Variants in DPP6 observed in about 807,000 individuals in gnomAD.
DPP6 encodes A-type potassium channel modulatory protein DPP6.
In DPP6, 69 loss-of-function variants were observed where a neutral mutation model predicts 122.6. That is an observed-to-expected ratio of 0.56 (90% CI 0.46 to 0.69). DPP6 has a LOEUF of 0.69. Ranked by LOEUF, DPP6 falls within the 30% of genes least tolerant of loss-of-function variation. DPP6 has a pLI of 0.00. For synonymous variants in DPP6, 418 were observed against 433.1 expected (o/e 0.97, Z 0.43); for missense variants, 928 against 1,116.9 (o/e 0.83, Z 2.41).
At chr7:153,934,638 G>T (rs117946951) in intron 1 of DPP6, among the ~76,000 whole-genome samples, 3,881 of 152,256 alleles carry the variant, frequency 0.025, 84 homozygotes, top group Non-Finnish European at 0.041. Context: ...GCACCTGTGT[G>T]TGTACACACT....
intron 1 of DPP6, among the ~76,000 whole-genome samples, chr7:154,175,419 G>A (rs1048204072): frequency 6.6e-6 from 1 of 152,092 alleles, no homozygotes; most frequent in Non-Finnish European, 1.5e-5. Flanking sequence ...CTGAGAAGGG[G>A]CTGGACCCTG....
At chr7:154,437,494 G>A (rs1054245607) in intron 1 of DPP6, among the ~76,000 whole-genome samples, 6 of 152,140 alleles carry the variant, frequency 3.9e-5, no homozygotes, top group Non-Finnish European at 8.8e-5. Context: ...GCTGGTGGAT[G>A]ATGACAAATT....
intron 1 of DPP6, among the ~76,000 whole-genome samples, chr7:154,410,580 C>T (rs1423355038): frequency 6.6e-6 from 1 of 152,178 alleles, no homozygotes; most frequent in Non-Finnish European, 1.5e-5. Context: ...CTCTAACATG[C>T]TGATCTGTGG....
chr7:154,808,388 A>AG (rs1022361281), intron 16 of DPP6, among the ~76,000 whole-genome samples: 22 of 152,156 alleles, frequency 1.4e-4, no homozygotes, highest in African/African-American at 5.3e-4. Flanking sequence ...CGGAGGGATG[A>AG]GGGGGGTGCG....
At chr7:154,526,801 G>A (rs1479435683) in intron 3 of DPP6, among the ~76,000 whole-genome samples, 3 of 152,214 alleles carry the variant, frequency 2.0e-5, no homozygotes, top group Non-Finnish European at 1.5e-5. Context: ...GAGAGGCAGT[G>A]TATCTACATC....
At chr7:153,776,344 G>A in the DPP6 span, among the ~76,000 whole-genome samples, 3 of 152,092 alleles carry the variant, frequency 2.0e-5, no homozygotes, top group African/African-American at 4.8e-5. Flanking sequence ...TGCTGTTCCC[G>A]TGATAGTGAA....
At chr7:154,878,618 C>A (rs1454262379) in intron 20 of DPP6, among the ~76,000 whole-genome samples, 1 of 152,216 alleles carries the variant, frequency 6.6e-6, no homozygotes, top group Non-Finnish European at 1.5e-5. Flanking sequence ...ACAGTTCCCC[C>A]GTCCACCACC....
chr7:154,694,244 C>A (rs1306721946), intron 7 of DPP6, among the ~76,000 whole-genome samples: 1 of 152,182 alleles, frequency 6.6e-6, no homozygotes, highest in Non-Finnish European at 1.5e-5. Flanking sequence ...CTTCCTAATA[C>A]CATCCCATTG....
At chr7:154,795,964 C>T in intron 12 of DPP6, 81 bp downstream of exon 12, 1 of 1,529,024 alleles carries the variant, frequency 6.5e-7, no homozygotes. Flanking sequence ...TCGACAACAG[C>T]AGAATGGCTT....
intron 1 of DPP6, among the ~76,000 whole-genome samples, chr7:154,395,533 T>A (rs1204371772): frequency 6.6e-6 from 1 of 152,230 alleles, no homozygotes; most frequent in Admixed American, 6.5e-5. Context: ...GGAGTTGTTT[T>A]TATCATTTCC....
chr7:153,808,292 T>G, the DPP6 span, among the ~76,000 whole-genome samples: 3 of 149,066 alleles, frequency 2.0e-5, no homozygotes, highest in Middle Eastern at 3.4e-3. Context: ...TGTGCCTGTG[T>G]GTGTGTCTGC....
At chr7:153,778,410 G>A in the DPP6 span, among the ~76,000 whole-genome samples, 2 of 152,014 alleles carry the variant, frequency 1.3e-5, no homozygotes, top group African/African-American at 4.8e-5. Context: ...ATATTTTTGA[G>A]TTCTGTCCCT....
intron 7 of DPP6, among the ~76,000 whole-genome samples, chr7:154,725,046 C>T (rs1033745400): frequency 6.6e-6 from 1 of 152,174 alleles, no homozygotes; most frequent in Non-Finnish European, 1.5e-5. Context: ...CCACAATCTT[C>T]CTATCAGACC....
intron 1 of DPP6, among the ~76,000 whole-genome samples, chr7:154,118,817 A>AC (rs1260494271): frequency 1.4e-5 from 2 of 146,568 alleles, no homozygotes; most frequent in Admixed American, 1.4e-4. Context: ...TATTCATGCC[A>AC]CCCCCTACCC....
At chr7:154,258,751 C>A (rs1453917966) in intron 1 of DPP6, among the ~76,000 whole-genome samples, 1 of 151,716 alleles carries the variant, frequency 6.6e-6, no homozygotes, top group Non-Finnish European at 1.5e-5. Context: ...TCCTTAAAAA[C>A]CACCACATTA....
Position 154,648,730 on chromosome 7 carries a change from C to T in DPP6, c.680+10857C>T, listed in dbSNP as rs192296165. On this transcript the variant is annotated intron_variant, in intron 6 of 25. Coordinates refer to ENST00000377770, the MANE Select transcript of DPP6 (RefSeq NM_130797.4). ...GTCAAGAGATCAAGACCATCCTGGC[C>T]AACATGGTGAAACCCCATCTCTACT... 6.9e-3 allele frequency among the ~76,000 whole-genome samples: 1,050 copies of T among 152,092 alleles called. 7 individuals are homozygous for T. The highest frequency in any genetic ancestry group is 0.012 in the Non-Finnish European group (790 of 67,966).
At chr7:154,010,331 G>C (rs191175934) in intron 1 of DPP6, among the ~76,000 whole-genome samples, 8 of 152,306 alleles carry the variant, frequency 5.3e-5, no homozygotes, top group Non-Finnish European at 1.2e-4. Context: ...CACATACAAC[G>C]GAAGCCCAGA....
intron 1 of DPP6, among the ~76,000 whole-genome samples, chr7:154,343,812 C>T (rs182932628): frequency 1.3e-5 from 2 of 151,914 alleles, no homozygotes; most frequent in Non-Finnish European, 2.9e-5. Context: ...AAATCCTGAC[C>T]TCAAGTGATC....
chr7:154,724,602 T>C (rs1375783880), intron 7 of DPP6, among the ~76,000 whole-genome samples: 1 of 152,134 alleles, frequency 6.6e-6, no homozygotes, highest in Non-Finnish European at 1.5e-5. Context: ...GGGCTTCCCA[T>C]TGCCTTTGGG....
Sources: gnomAD v4.1 joint callset for allele counts (sites outside exome capture counted in the v4.1 genomes callset) on GRCh38, gnomAD v4.1.1 for gene constraint, MANE v1.5 for transcripts, NCBI Gene and HGNC (gene_info 2026-07-23, HGNC 2026-07-21) for gene names.